Variants in MDGA2 observed in about 807,000 individuals in gnomAD.
MDGA2 encodes the protein MAM domain-containing glycosylphosphatidylinositol anchor protein 2.
A neutral mutation model predicts 117.8 loss-of-function variants in MDGA2; 40 were observed. The ratio of observed to expected loss-of-function variants is 0.34; its 90% confidence interval spans 0.26 to 0.44. The LOEUF is 0.44. Among genes scored for constraint, MDGA2 ranks in the 20% least tolerant of loss-of-function variants. The pLI, the probability that MDGA2 is intolerant of heterozygous loss-of-function variation, is 1.00. For synonymous variants in MDGA2, 452 were observed against 439.0 expected, an observed-to-expected ratio of 1.03 and a Z score of -0.37; for missense variants, 1,123 against 1,250.6, an observed-to-expected ratio of 0.90 and a Z score of 1.54.
intron 5 of MDGA2, among the ~76,000 whole-genome samples, chr14:47,102,459 A>T (rs1373779292): frequency 6.6e-6 from 1 of 152,100 alleles, no homozygotes; most frequent in Non-Finnish European, 1.5e-5. Context: ...CAATTTTAAA[A>T]TGCTCAGGTA....
At chr14:47,486,472 A>C (rs1894064020) in intron 1 of MDGA2, among the ~76,000 whole-genome samples, 1 of 152,134 alleles carries the variant, frequency 6.6e-6, no homozygotes, top group African/African-American at 2.4e-5. Context: ...CTTTTGAGTT[A>C]ATGCTGAAAT....
chr14:46,969,718 G>A (rs1886181155), intron 8 of MDGA2, among the ~76,000 whole-genome samples: 1 of 151,456 alleles, frequency 6.6e-6, no homozygotes, highest in African/African-American at 2.4e-5. Context: ...CACTCTGATG[G>A]TAGGGAATTG....
At chr14:46,885,721 G>C (rs1209779364) in intron 10 of MDGA2, among the ~76,000 whole-genome samples, 1 of 151,646 alleles carries the variant, frequency 6.6e-6, no homozygotes, top group Non-Finnish European at 1.5e-5. Flanking sequence ...GAGACTACTT[G>C]GTCAGAGAAA....
At chr14:47,383,641 C>A (rs769291001) in intron 1 of MDGA2, among the ~76,000 whole-genome samples, 20 of 152,108 alleles carry the variant, frequency 1.3e-4, no homozygotes, top group Non-Finnish European at 2.8e-4. Context: ...TGGGTTCAAG[C>A]GATTCTCCTG....
chr14:47,408,277 A>C (rs1216998982), intron 1 of MDGA2, among the ~76,000 whole-genome samples: 4 of 152,098 alleles, frequency 2.6e-5, no homozygotes, highest in Non-Finnish European at 5.9e-5. Flanking sequence ...GATGGTCTCT[A>C]TCTACTGACC....
In MDGA2 at chr14:47,674,832, C is replaced by T. The variant is rs1025630316; in HGVS notation, c.-36G>A. 1 of 627,598 alleles carries T rather than the reference C, an allele frequency of 1.6e-6. No homozygotes were observed. Among genetic ancestry groups the T allele is most frequent in the Non-Finnish European group, 2.8e-6 (1 of 353,998 alleles). 38.9% of individuals were successfully genotyped at this position (627,598 alleles called of 1,614,324 possible). ...ACTCACACACACTCACACACTCTCC[C>T]ACAACACAATACCCTGACACACACT... On this transcript the variant is annotated 5_prime_UTR_variant, in exon 1 of 17. Coordinates refer to ENST00000399232, the MANE Select transcript of MDGA2 (RefSeq NM_001113498.3).
At chr14:47,615,156 C>T (rs1203978171) in intron 1 of MDGA2, among the ~76,000 whole-genome samples, 2 of 151,560 alleles carry the variant, frequency 1.3e-5, no homozygotes, top group African/African-American at 2.4e-5. Context: ...AGATGTATGG[C>T]CATAAAAAAG....
At chr14:47,411,926 A>G (rs1192808441) in intron 1 of MDGA2, among the ~76,000 whole-genome samples, 4 of 152,204 alleles carry the variant, frequency 2.6e-5, no homozygotes, top group African/African-American at 9.6e-5. Context: ...AACAATTCAC[A>G]AAGACATTGA....
At chr14:47,174,668 T>C (rs1240749757) in intron 3 of MDGA2, among the ~76,000 whole-genome samples, 1 of 152,164 alleles carries the variant, frequency 6.6e-6, no homozygotes, top group Non-Finnish European at 1.5e-5. Context: ...TGGAAATTTA[T>C]AGCAGTAAAC....
At chr14:47,523,432 C>T (rs1594898750) in intron 1 of MDGA2, among the ~76,000 whole-genome samples, 1 of 151,922 alleles carries the variant, frequency 6.6e-6, no homozygotes, top group East Asian at 1.9e-4. Flanking sequence ...TTGGAGAATG[C>T]CCTTAGTTCT....
rs1332005260 is a variant in MDGA2, at chr14:47,551,895, T to C, written c.280+122622A>G. On this transcript the variant is annotated intron_variant, in intron 1 of 16. Coordinates refer to ENST00000399232, the MANE Select transcript of MDGA2 (RefSeq NM_001113498.3). ...TTGGAGCGGTAAGAGGAAATTAATA[T>C]ATGTGAAAGAGGAAAGTGAAAAACA... Among the ~76,000 whole-genome samples, 5 of 152,102 alleles carry C rather than the reference T, an allele frequency of 3.3e-5. 1 individual carries two copies. Among genetic ancestry groups the C allele is most frequent in the African/African-American group, 1.2e-4 (5 of 41,428 alleles).
intron 8 of MDGA2, among the ~76,000 whole-genome samples, chr14:47,023,199 A>T (rs888083180): frequency 3.7e-5 from 2 of 53,736 alleles, no homozygotes; most frequent in Non-Finnish European, 3.6e-5. Flanking sequence ...TCCCACTCGT[A>T]AAAAAAAAAA....
At chr14:47,627,070 C>G (rs577786505) in intron 1 of MDGA2, among the ~76,000 whole-genome samples, 1 of 151,978 alleles carries the variant, frequency 6.6e-6, no homozygotes, top group African/African-American at 2.4e-5. Flanking sequence ...ATGCACCAAT[C>G]GGCACTCTGT....
rs935072317 is a variant in MDGA2 at position 47,387,802 on chromosome 14, T to C, written c.281-86252A>G. Among the ~76,000 whole-genome samples the C allele has an allele frequency of 2.6e-5, 4 of 152,196 alleles. No homozygotes were observed. In the South Asian group the frequency reaches 6.2e-4, roughly 24 times the overall value. On this transcript the variant is annotated intron_variant, in intron 1 of 16. Coordinates refer to ENST00000399232, the MANE Select transcript of MDGA2 (RefSeq NM_001113498.3). ...ATGACAACTTTGAAAGTCATAGATC[T>C]CACCATCTCTCTGGACTGAGGATAC...
intron 1 of MDGA2, among the ~76,000 whole-genome samples, chr14:47,518,520 A>G (rs1894802101): frequency 6.6e-6 from 1 of 152,222 alleles, no homozygotes; most frequent in Admixed American, 6.5e-5. Flanking sequence ...CACACACAAA[A>G]TAGATAAGAA....
At chr14:47,101,106 TAGATAGATAGATAGATAGAC>T (rs1315016175) in intron 5 of MDGA2, among the ~76,000 whole-genome samples, 111 of 131,964 alleles carry the variant, frequency 8.4e-4, no homozygotes, top group East Asian at 4.3e-3. Flanking sequence ...GATAGATAGA[TAGATAGATAGATAGATAGAC>T]AGATAGATAG....
At chr14:47,157,590 C>CAT (rs796835361) in intron 3 of MDGA2, among the ~76,000 whole-genome samples, 7 of 130,358 alleles carry the variant, frequency 5.4e-5, no homozygotes, top group South Asian at 2.5e-4. Flanking sequence ...AAACTATGTA[C>CAT]ATATATGTGT....
intron 2 of MDGA2, among the ~76,000 whole-genome samples, chr14:47,247,188 C>T (rs1887269643): frequency 6.6e-6 from 1 of 151,728 alleles, no homozygotes; most frequent in Admixed American, 6.6e-5. Context: ...GCTGAACCTG[C>T]ATCTTTGGGA....
chr14:47,585,645 A>T (rs1896310337), intron 1 of MDGA2, among the ~76,000 whole-genome samples: 1 of 151,758 alleles, frequency 6.6e-6, no homozygotes, highest in Non-Finnish European at 1.5e-5. Flanking sequence ...GGCTCCCATA[A>T]CTAGGAAGTA....
Sources: gnomAD v4.1 joint callset for allele counts (sites outside exome capture counted in the v4.1 genomes callset) on GRCh38, gnomAD v4.1.1 for gene constraint, MANE v1.5 for transcripts, NCBI Gene and HGNC (gene_info 2026-07-23, HGNC 2026-07-21) for gene names.